The following ZFHX3 variants were observed in gnomAD, a reference collection of about 807,000 sequenced individuals.
ZFHX3 encodes zinc finger homeobox protein 3.
ZFHX3 carries 42 observed loss-of-function variants against 279.1 expected under a neutral mutation model. The ratio of observed to expected loss-of-function variants is 0.15; its 90% CI spans 0.12 to 0.19. The LOEUF (loss-of-function observed/expected upper bound fraction) is 0.19. Ranked by LOEUF, ZFHX3 falls within the 10% of genes least tolerant of loss-of-function variation. The pLI is 1.00. For missense variants in ZFHX3, 4,981 were observed against 4,754.0 expected, an observed-to-expected ratio of 1.05 and a Z score of -1.40; for synonymous variants, 2,293 against 1,957.8, an observed-to-expected ratio of 1.17 and a Z score of -4.52.
At chr16:73,626,966 A>G (rs761650105) in intron 2 of ZFHX3, among the ~76,000 whole-genome samples, 6 of 152,206 alleles carry the variant, frequency 3.9e-5, no homozygotes, top group Non-Finnish European at 7.3e-5. Flanking sequence ...CTTCTACTGT[A>G]GCCATAAATA....
chr16:73,251,863 C>T (rs1198285660), intron 5 of ZFHX3, among the ~76,000 whole-genome samples: 5 of 135,372 alleles, frequency 3.7e-5, no homozygotes, highest in Admixed American at 7.6e-5. Context: ...ACCGCACACA[C>T]GCACACACCA....
intron 1 of ZFHX3, among the ~76,000 whole-genome samples, chr16:73,803,438 T>C (rs1025817425): frequency 6.6e-5 from 10 of 152,218 alleles, no homozygotes; most frequent in Non-Finnish European, 2.9e-5. Context: ...AAATATAAAT[T>C]GCTACAAGAT....
At chr16:72,899,346 G>T (rs1341902262) in intron 3 of ZFHX3, among the ~76,000 whole-genome samples, 1 of 151,936 alleles carries the variant, frequency 6.6e-6, no homozygotes, top group Admixed American at 6.6e-5. Flanking sequence ...TTTTATAAAG[G>T]GCTTCCCCAC....
At chr16:72,805,225 GC>G (rs1203918928) in intron 7 of ZFHX3, among the ~76,000 whole-genome samples, 2 of 151,710 alleles carry the variant, frequency 1.3e-5, no homozygotes, top group Non-Finnish European at 2.9e-5. Flanking sequence ...TAAGTGATCT[GC>G]CCCCATCAGC....
rs568208492 is a variant in ZFHX3, at chr16:73,340,128, T to A, written c.-1290-21792A>T. On this transcript the variant is annotated intron_variant, in intron 3 of 17. Transcript: ENST00000641206. ...CTTACGTTGCAGTAGGGAAGACTGA[T>A]GCTCAGAAACAAGGAAGAACTTCCG... is the stretch of plus-strand genomic sequence containing the variant. Among the ~76,000 whole-genome samples, 174 of 152,298 alleles carry A rather than the reference T, an allele frequency of 1.1e-3. 1 individual carries two copies. The highest frequency in any genetic ancestry group is 4.0e-3 in the African/African-American group (166 of 41,560).
chr16:72,961,579 C>T (rs533611146), intron 1 of ZFHX3, among the ~76,000 whole-genome samples: 3 of 152,180 alleles, frequency 2.0e-5, no homozygotes, highest in South Asian at 2.1e-4. Flanking sequence ...GTGAAGGTTT[C>T]GGCCAGGTTT....
At chr16:73,122,036 G>A (rs1966505432) in intron 7 of ZFHX3, among the ~76,000 whole-genome samples, 1 of 151,748 alleles carries the variant, frequency 6.6e-6, no homozygotes, top group African/African-American at 2.4e-5. Context: ...AATTCATATT[G>A]TCTTCGTGTG....
At chr16:73,048,181 G>C (rs1719123049), upstream of ZFHX3, 2 of 152,966 alleles carry the variant, frequency 1.3e-5, no homozygotes, top group African/African-American at 4.8e-5. Flanking sequence ...GGGGGCGGGC[G>C]GGGCGGGGGG....
At chr16:72,914,990 A>C (rs1450765980) in intron 3 of ZFHX3, among the ~76,000 whole-genome samples, 1 of 152,128 alleles carries the variant, frequency 6.6e-6, no homozygotes, top group Non-Finnish European at 1.5e-5. Flanking sequence ...GACTCCATCT[A>C]AAAGCAAACA....
intron 3 of ZFHX3, among the ~76,000 whole-genome samples, chr16:73,390,282 C>T (rs2016985628): frequency 6.6e-6 from 1 of 152,044 alleles, no homozygotes; most frequent in Non-Finnish European, 1.5e-5. Context: ...ATATCAGGTG[C>T]TTTCTCAAGA....
chr16:72,793,542 T>C lies in ZFHX3; in HGVS notation c.9140A>G (p.Gln3047Arg), dbSNP rs1217757717. 1.9e-6 allele frequency: 3 copies of C among 1,614,120 alleles called. No individual in the cohort carries two copies. The highest frequency in any genetic ancestry group is 2.7e-5 in the African/African-American group (2 of 74,950). The change falls in exon 9 of 10, where the codon CAG (glutamine) becomes CGG (arginine). Residue 3047 changes from glutamine (Q) to arginine (R), a missense_variant. Physicochemically the swap from Gln to Arg is conservative, Grantham distance 43. This residue lies in a region of ZFHX3 where 168 missense variants were observed against 249.1 expected (regional missense o/e 0.67). Coordinates refer to ENST00000268489, the MANE Select transcript of ZFHX3 (RefSeq NM_006885.4). The surrounding 1 kb of genome is among the most constrained non-coding windows in gnomAD (Gnocchi z 4.3). Reference protein sequence around the residue: ...LSVRDHIFSQQHISKVKDTIG... With the variant: ...LSVRDHIFSQRHISKVKDTIG... ...GGTGTCTTTAACTTTGGAGATATGCTGTTGGGAAAAGATATGGTCACGTAC... is the reference window on the plus strand; with the variant it reads ...GGTGTCTTTAACTTTGGAGATATGCCGTTGGGAAAAGATATGGTCACGTAC...
chr16:73,303,182 C>T (rs976298143), intron 4 of ZFHX3, among the ~76,000 whole-genome samples: 2 of 152,090 alleles, frequency 1.3e-5, no homozygotes, highest in African/African-American at 2.4e-5. Flanking sequence ...GCACACACCA[C>T]CATGCCTGGT....
intron 3 of ZFHX3, among the ~76,000 whole-genome samples, chr16:73,319,523 G>C (rs902530347): frequency 6.6e-6 from 1 of 152,034 alleles, no homozygotes; most frequent in African/African-American, 2.4e-5. Context: ...GAGAGTCATG[G>C]AGTCCCGCTG....
intron 5 of ZFHX3, among the ~76,000 whole-genome samples, chr16:72,824,080 G>C (rs1399790463): frequency 6.6e-6 from 1 of 152,100 alleles, no homozygotes; most frequent in African/African-American, 2.4e-5. Flanking sequence ...ACAGGGGGAG[G>C]GCTGGTAATA....
At chr16:73,712,574 C>T (rs2053374057) in intron 1 of ZFHX3, among the ~76,000 whole-genome samples, 1 of 152,180 alleles carries the variant, frequency 6.6e-6, no homozygotes, top group African/African-American at 2.4e-5. Context: ...CATTTGGCTT[C>T]TTTGAGCATG....
At chr16:73,836,920 G>A (rs1472330417) in intron 1 of ZFHX3, among the ~76,000 whole-genome samples, 1 of 152,148 alleles carries the variant, frequency 6.6e-6, no homozygotes, top group Non-Finnish European at 1.5e-5. Context: ...TGCCTCCTTG[G>A]CAAGCCTGCC....
chr16:73,526,887 G>A (rs1453749500), intron 2 of ZFHX3, among the ~76,000 whole-genome samples: 2 of 151,594 alleles, frequency 1.3e-5, no homozygotes, highest in Non-Finnish European at 2.9e-5. Flanking sequence ...TTCTTATCTA[G>A]TATTCGGTAC....
At chr16:73,332,182 CA>C (rs1256050996) in intron 3 of ZFHX3, among the ~76,000 whole-genome samples, 1 of 152,034 alleles carries the variant, frequency 6.6e-6, no homozygotes, top group African/African-American at 2.4e-5. Flanking sequence ...ATAATAAAAC[CA>C]GATGATGATA....
intron 2 of ZFHX3, among the ~76,000 whole-genome samples, chr16:73,625,249 T>G (rs939668932): frequency 6.6e-6 from 1 of 152,234 alleles, no homozygotes; most frequent in Admixed American, 6.5e-5. Flanking sequence ...TGCTGCTGTT[T>G]GTAGTGAGCT....
Sources: allele counts gnomAD v4.1 joint callset (sites outside exome capture counted in the v4.1 genomes callset), GRCh38; gene constraint gnomAD v4.1.1; regional missense constraint gnomAD v4.1.1; non-coding constraint Gnocchi (gnomAD v3.1); transcripts MANE v1.5; gene names NCBI Gene and HGNC (gene_info 2026-07-23, HGNC 2026-07-21).